The following DCC variants were observed in gnomAD, a reference collection of about 807,000 sequenced individuals.
The protein encoded by DCC is netrin receptor DCC.
A neutral mutation model predicts 172.5 loss-of-function variants in DCC; 58 were observed. The ratio of observed to expected loss-of-function variants is 0.34; its 90% CI spans 0.27 to 0.42. The LOEUF (loss-of-function observed/expected upper bound fraction) is 0.42. DCC is among the 10% of genes least tolerant of loss of function. DCC has a pLI of 1.00. For missense variants in DCC, 1,740 were observed against 1,791.0 expected, an observed-to-expected ratio of 0.97 and a Z score of 0.51; for synonymous variants, 709 against 644.5, an observed-to-expected ratio of 1.10 and a Z score of -1.52.
At chr18:52,943,401 A>G (rs1377695199) in intron 5 of DCC, among the ~76,000 whole-genome samples, 1 of 152,188 alleles carries the variant, frequency 6.6e-6, no homozygotes, top group Non-Finnish European at 1.5e-5. Flanking sequence ...CCATATAAGC[A>G]TGTTAATTGT....
At position 52,416,168 on chromosome 18, in the gene DCC, T is replaced by A. The variant is rs529516581; in HGVS notation, c.91+75290T>A. 3.1e-4 allele frequency among the ~76,000 whole-genome samples: 47 copies of A among 152,344 alleles called. 1 individual carries two copies. In the Middle Eastern group the frequency reaches 0.01, roughly 33 times the overall value. On this transcript the variant is annotated intron_variant, in intron 1 of 28. Transcript: ENST00000442544. The stretch of plus-strand genomic sequence containing the variant: ...TCAGGAGCAGGTTGTTCAGTTTCCA[T>A]GTAGTTGAGCAGTTTTGAGTGAGTT...
At chr18:53,077,265 G>A (rs375459835) in intron 7 of DCC, among the ~76,000 whole-genome samples, 5 of 152,162 alleles carry the variant, frequency 3.3e-5, no homozygotes, top group East Asian at 3.9e-4. Context: ...AGTAGGTGGT[G>A]TGGTATACTC....
intron 1 of DCC, among the ~76,000 whole-genome samples, chr18:52,539,647 G>A (rs985911154): frequency 6.6e-6 from 1 of 152,126 alleles, no homozygotes; most frequent in Non-Finnish European, 1.5e-5. Context: ...GGAAAAAATT[G>A]TCTTCCATGA....
intron 15 of DCC, among the ~76,000 whole-genome samples, chr18:53,382,229 G>T (rs1907818965): frequency 1.3e-5 from 2 of 151,980 alleles, no homozygotes; most frequent in African/African-American, 4.8e-5. Context: ...ACTGCAAAAA[G>T]GCAATTTTAA....
intron 27 of DCC, among the ~76,000 whole-genome samples, chr18:53,517,182 G>GTAAAC (rs2046344088): frequency 6.9e-6 from 1 of 144,886 alleles, no homozygotes; most frequent in East Asian, 2.0e-4. Context: ...ATCATTCTCA[G>GTAAAC]TAAACTATCG....
chr18:53,257,624 T>C (rs776942494), intron 12 of DCC, among the ~76,000 whole-genome samples: 14 of 152,250 alleles, frequency 9.2e-5, no homozygotes, highest in African/African-American at 1.4e-4. Context: ...CAGTATTTTA[T>C]TGAGGATTTT....
intron 5 of DCC, among the ~76,000 whole-genome samples, chr18:53,002,479 G>A (rs2041580909): frequency 6.6e-6 from 1 of 151,962 alleles, no homozygotes; most frequent in Admixed American, 6.6e-5. Flanking sequence ...TCTTATCATA[G>A]GGAAAGTGAC....
intron 27 of DCC, among the ~76,000 whole-genome samples, chr18:53,509,796 T>A (rs1192492094): frequency 2.0e-5 from 3 of 148,142 alleles, no homozygotes; most frequent in African/African-American, 7.3e-5. Context: ...CATAAACCAA[T>A]GTCTGTTTTT....
chr18:52,721,370 A>T lies in DCC; in HGVS notation c.92-30684A>T, dbSNP rs1391788274. Among the ~76,000 whole-genome samples, 6 of 152,152 alleles carry T rather than the reference A, an allele frequency of 3.9e-5. No individual in the cohort carries two copies. In the South Asian group the frequency reaches 1.2e-3, roughly 32 times the overall value. ...TCAAGCTCAAAAAATTCTCAAAATA[A>T]TGATATTATAAACAAACTTTGACTG... On this transcript the variant is annotated intron_variant, in intron 1 of 28. Transcript: ENST00000442544.
At chr18:52,893,152 C>T (rs970851820) in intron 2 of DCC, among the ~76,000 whole-genome samples, 8 of 152,054 alleles carry the variant, frequency 5.3e-5, no homozygotes, top group Non-Finnish European at 2.9e-5. Flanking sequence ...AAACTTGTTT[C>T]ATTTAGGCTT....
At chr18:52,499,260 T>C (rs2030929897) in intron 1 of DCC, among the ~76,000 whole-genome samples, 1 of 152,328 alleles carries the variant, frequency 6.6e-6, no homozygotes, top group African/African-American at 2.4e-5. Flanking sequence ...TGACTTTTTC[T>C]GCTCTTGAGT....
chr18:52,611,244 A>C (rs1475495176), intron 1 of DCC, among the ~76,000 whole-genome samples: 1 of 151,110 alleles, frequency 6.6e-6, no homozygotes, highest in Non-Finnish European at 1.5e-5. Context: ...CTGGAAGAAA[A>C]CTCCCTCCCT....
intron 5 of DCC, among the ~76,000 whole-genome samples, 187 bp from the exon 6 acceptor site, chr18:53,063,118 T>A (rs1455574370): frequency 6.6e-6 from 1 of 152,152 alleles, no homozygotes; most frequent in Non-Finnish European, 1.5e-5. Flanking sequence ...ACTGTTTAAC[T>A]GCATTTGGGG....
chr18:52,530,427 G>A (rs1466934994), intron 1 of DCC, among the ~76,000 whole-genome samples: 5 of 152,174 alleles, frequency 3.3e-5, no homozygotes, highest in African/African-American at 1.2e-4. Context: ...CTTTCAAGTT[G>A]CAATGACTTT....
At chr18:52,509,710 A>G (rs1163319190) in intron 1 of DCC, among the ~76,000 whole-genome samples, 1 of 152,214 alleles carries the variant, frequency 6.6e-6, no homozygotes, top group Non-Finnish European at 1.5e-5. Flanking sequence ...GCGATTTAGG[A>G]TCTTGTGGCC....
At chr18:52,531,276 G>C (rs1433213811) in intron 1 of DCC, among the ~76,000 whole-genome samples, 2 of 152,090 alleles carry the variant, frequency 1.3e-5, no homozygotes, top group Non-Finnish European at 2.9e-5. Flanking sequence ...AAAAACCTAA[G>C]ACTTTGATCT....
In DCC at chr18:53,416,165, G is replaced by A. The variant is rs1434461226; in HGVS notation, c.3163+9G>A. 6.3e-7 allele frequency: 1 copy of A among 1,598,430 alleles called. No homozygotes were observed. The highest frequency in any genetic ancestry group is 8.6e-7 in the Non-Finnish European group (1 of 1,165,892). On this transcript the variant is annotated intron_variant, in intron 21 of 28. Transcript: ENST00000442544. Reference sequence around the variant, plus strand: ...AATGGCTAATGACCAAGGTATGGTGGCTCAATCTGTCATTTTGTGTTCCTT... The same window carrying A: ...AATGGCTAATGACCAAGGTATGGTGACTCAATCTGTCATTTTGTGTTCCTT...
intron 12 of DCC, among the ~76,000 whole-genome samples, chr18:53,273,881 A>T (rs757160850): frequency 2.6e-5 from 4 of 152,090 alleles, no homozygotes; most frequent in Non-Finnish European, 5.9e-5. Flanking sequence ...AGGCACCAGC[A>T]CATGTACTCC....
intron 26 of DCC, 125 bp from the exon 27 acceptor site, chr18:53,499,173 C>T: frequency 2.2e-6 from 2 of 908,460 alleles, no homozygotes; most frequent in Non-Finnish European, 3.6e-6. Context: ...ATGTTCATAA[C>T]TTGGAGAAGA....
Sources: gnomAD v4.1 joint callset for allele counts (sites outside exome capture counted in the v4.1 genomes callset) on GRCh38, gnomAD v4.1.1 for gene constraint, MANE v1.5 for transcripts, NCBI Gene and HGNC (gene_info 2026-07-23, HGNC 2026-07-21) for gene names.